The following SLCO4C1 variants were observed in gnomAD, a reference collection of about 807,000 sequenced individuals.
SLCO4C1 encodes solute carrier organic anion transporter family member 4C1.
In SLCO4C1, 58 loss-of-function variants were observed where a neutral mutation model predicts 72.1. The ratio of observed to expected loss-of-function variants is 0.80; its 90% CI spans 0.65 to 1.00. The LOEUF (loss-of-function observed/expected upper bound fraction) is 1.00. SLCO4C1 is among the 50% of genes least tolerant of loss of function. SLCO4C1 has a pLI of 0.00. For missense variants in SLCO4C1, 898 were observed against 857.9 expected (o/e 1.05, Z -0.58); for synonymous variants, 297 against 312.5 (o/e 0.95, Z 0.52).
chr5:102,270,258 T>C (rs1375089920), intron 3 of SLCO4C1, among the ~76,000 whole-genome samples: 1 of 152,074 alleles, frequency 6.6e-6, no homozygotes, highest in African/African-American at 2.4e-5. Flanking sequence ...TAGGATGTCA[T>C]AAATCACACA....
chr5:102,258,165 T>C, intron 6 of SLCO4C1, 78 bp from the exon 7 acceptor site: 1 of 1,189,810 alleles, frequency 8.4e-7, no homozygotes, highest in Non-Finnish European at 1.1e-6. Flanking sequence ...GTTAGCATGA[T>C]GAAATAACAA....
rs199955198 is a variant in SLCO4C1, at chr5:102,236,581, C to T, written c.*277G>A. 3.4e-5 allele frequency: 9 copies of T among 262,308 alleles called. No homozygotes were observed. Among genetic ancestry groups the T allele is most frequent in the African/African-American group, 7.3e-5 (3 of 41,372 alleles). 16.2% of individuals were successfully genotyped at this position (262,308 alleles called of 1,614,324 possible). On this transcript the variant is annotated 3_prime_UTR_variant, in exon 13 of 13. Coordinates refer to ENST00000310954, the MANE Select transcript of SLCO4C1 (RefSeq NM_180991.5). Reference sequence around the variant, plus strand: ...AATAGGAAATAAGTGTGTATGTGTGCGTGTGTGTGTGTGTGTGTGTGTTCG... The same window carrying T: ...AATAGGAAATAAGTGTGTATGTGTGTGTGTGTGTGTGTGTGTGTGTGTTCG...
chr5:102,280,090 CAAAAA>C (rs36217271), intron 2 of SLCO4C1, among the ~76,000 whole-genome samples: 11 of 68,858 alleles, frequency 1.6e-4, no homozygotes, highest in African/African-American at 6.6e-4. Flanking sequence ...TGCAATAAGG[CAAAAA>C]AAAAAAAAAA....
intron 8 of SLCO4C1, among the ~76,000 whole-genome samples, chr5:102,253,441 CT>C (rs1748777624): frequency 1.3e-5 from 2 of 152,174 alleles, no homozygotes; most frequent in Admixed American, 1.3e-4. Flanking sequence ...TCACTGAGTA[CT>C]TATGGAATAA....
Position 102,247,379 on chromosome 5 carries a change from C to A in SLCO4C1, c.1684G>T (p.Gly562Cys). 6.3e-7 allele frequency: 1 copy of A among 1,595,518 alleles called. No homozygotes were observed. ...CATTTTCCAGCTTTAGCTTCAAAAC[C>A]AAAAGTTTCTGCAGTGGATGTTATT... is the stretch of plus-strand genomic sequence containing the variant. ...TEITSTAETF[G>C]FEAKAGKCET... The change falls in exon 10 of 13, where the codon GGT becomes TGT. Residue 562 changes from glycine (G) to cysteine (C), a missense_variant. Coordinates refer to ENST00000310954, the MANE Select transcript of SLCO4C1 (RefSeq NM_180991.5).
At chr5:102,256,211 A>C (rs954855476) in intron 8 of SLCO4C1, among the ~76,000 whole-genome samples, 1 of 152,212 alleles carries the variant, frequency 6.6e-6, no homozygotes, top group Non-Finnish European at 1.5e-5. Context: ...GTCTAAAAAA[A>C]ACAAAAAAAG....
intron 4 of SLCO4C1, among the ~76,000 whole-genome samples, chr5:102,263,392 T>G (rs1328797733): frequency 6.6e-6 from 1 of 152,120 alleles, no homozygotes; most frequent in African/African-American, 2.4e-5. Flanking sequence ...GAATTCTTAT[T>G]TTTGAACAAT....
intron 2 of SLCO4C1, among the ~76,000 whole-genome samples, chr5:102,283,845 A>G (rs1298388686): frequency 1.3e-5 from 2 of 152,062 alleles, no homozygotes; most frequent in Non-Finnish European, 2.9e-5. Context: ...CACATTTTCC[A>G]TAAACTTGGG....
intron 12 of SLCO4C1, 135 bp downstream of exon 12, chr5:102,239,116 A>C (rs1462408660): frequency 4.5e-6 from 3 of 668,486 alleles, no homozygotes; most frequent in Non-Finnish European, 6.8e-6. Context: ...TCTCTGCTTC[A>C]GGAAGACTAC....
intron 8 of SLCO4C1, among the ~76,000 whole-genome samples, chr5:102,252,941 T>C (rs1748768761): frequency 6.6e-6 from 1 of 152,148 alleles, no homozygotes; most frequent in Non-Finnish European, 1.5e-5. Context: ...CATCTTTATG[T>C]TTGCCACAAG....
At chr5:102,266,105 G>C (rs998037766) in intron 3 of SLCO4C1, among the ~76,000 whole-genome samples, 19 of 151,880 alleles carry the variant, frequency 1.3e-4, no homozygotes, top group African/African-American at 4.6e-4. Flanking sequence ...TTTTCAACTA[G>C]TTCATCATTG....
intron 5 of SLCO4C1, among the ~76,000 whole-genome samples, chr5:102,261,465 A>G (rs1038440918): frequency 4.0e-5 from 6 of 150,360 alleles, no homozygotes; most frequent in African/African-American, 1.5e-4. Flanking sequence ...ATACAGTAAA[A>G]AAAAAAAAAG....
chr5:102,268,908 A>G (rs1243440739), intron 3 of SLCO4C1, among the ~76,000 whole-genome samples: 1 of 152,094 alleles, frequency 6.6e-6, no homozygotes, highest in Non-Finnish European at 1.5e-5. Flanking sequence ...ATTTCTGAAG[A>G]ATAGCTTTGC....
In SLCO4C1 at chr5:102,296,222, G is replaced by T. The variant is rs1467605499; in HGVS notation, c.41C>A (p.Pro14His). 7.0e-6 allele frequency: 11 copies of T among 1,577,540 alleles called. No homozygotes were observed. Among genetic ancestry groups the T allele is most frequent in the African/African-American group, 1.4e-5 (1 of 73,194 alleles). ...AKGIENLAFVPSSPDILRRLS... is the reference protein window; with the variant it reads ...AKGIENLAFVHSSPDILRRLS... ...GCGGCGCAGGATGTCTGGGCTGGAG[G>T]GGACAAAAGCCAAGTTCTCAATACC... The change falls in exon 1 of 13, where the codon CCC becomes CAC. Residue 14 changes from proline (P) to histidine (H), a missense_variant. Pro to His is a moderately conservative substitution (Grantham distance 77). Transcript: ENST00000310954.
chr5:102,239,217 T>G, intron 12 of SLCO4C1, 34 bp downstream of exon 12: 1 of 1,515,396 alleles, frequency 6.6e-7, no homozygotes. Flanking sequence ...ACATCCTTAG[T>G]TTACTCTAAA....
intron 8 of SLCO4C1, among the ~76,000 whole-genome samples, chr5:102,256,599 A>G (rs890460740): frequency 6.6e-6 from 1 of 152,212 alleles, no homozygotes; most frequent in Non-Finnish European, 1.5e-5. Flanking sequence ...AGCTAGAAAC[A>G]TGTCTACAGG....
Position 102,249,715 on chromosome 5 carries a change from C to G in SLCO4C1, c.1543G>C (p.Val515Leu), listed in dbSNP as rs1004354819. 1 of 1,613,976 alleles carries G rather than the reference C, an allele frequency of 6.2e-7. No individual in the cohort carries two copies. The highest frequency in any genetic ancestry group is 1.1e-5 in the South Asian group (1 of 91,068). Residue 515 changes from valine (V) to leucine (L), a missense_variant, in exon 9 of 13, where the codon GTC becomes CTC. Physicochemically the swap from Val to Leu is conservative, Grantham distance 32 (BLOSUM62 1). Coordinates refer to ENST00000310954, the MANE Select transcript of SLCO4C1 (RefSeq NM_180991.5). ...AAATATTGGACTCCATCTCCACAGA[C>G]AGGATAATAATATGATCGCGAACAG... is the stretch of plus-strand genomic sequence containing the variant. ...CNCSRSYYYP[V>L]CGDGVQYFSP...
chr5:102,257,982 G>T lies in SLCO4C1; in HGVS notation c.1234C>A (p.Gln412Lys). The T allele has an allele frequency of 1.2e-6, 2 of 1,607,534 alleles. No homozygotes were observed. The highest frequency in any genetic ancestry group is 1.1e-5 in the South Asian group (1 of 88,960). ...GCGAAGCTGGATGTCAATCCGAATT[G>T]ATTTTCTATAAATTTAGGTAAAAAT... is the stretch of plus-strand genomic sequence containing the variant. Reference protein sequence around the residue: ...ATFLPKFIENQFGLTSSFAAT... With the variant: ...ATFLPKFIENKFGLTSSFAAT... The change falls in exon 7 of 13, where the codon CAA (glutamine) becomes AAA (lysine). Residue 412 changes from glutamine to lysine, a missense_variant. Gln to Lys is a moderately conservative substitution (Grantham distance 53, BLOSUM62 1). Coordinates refer to ENST00000310954, the MANE Select transcript of SLCO4C1 (RefSeq NM_180991.5).
chr5:102,279,464 A>G (rs1158782504), intron 2 of SLCO4C1, among the ~76,000 whole-genome samples: 1 of 152,018 alleles, frequency 6.6e-6, no homozygotes, highest in Non-Finnish European at 1.5e-5. Context: ...CTATAGGCTC[A>G]AATAGTTTCA....
Sources: allele counts gnomAD v4.1 joint callset (sites outside exome capture counted in the v4.1 genomes callset), GRCh38; gene constraint gnomAD v4.1.1; transcripts MANE v1.5; gene names NCBI Gene and HGNC (gene_info 2026-07-23, HGNC 2026-07-21).